Variants in NEO1 observed in about 807,000 individuals in gnomAD.
The protein encoded by NEO1 is neogenin.
In NEO1, 63 loss-of-function variants were observed where a neutral mutation model predicts 159.7. That is an observed-to-expected ratio of 0.39 (90% CI 0.32 to 0.49). The LOEUF is 0.49. Among genes scored for constraint, NEO1 ranks in the 20% least tolerant of loss-of-function variants. The pLI is 0.85. For missense variants in NEO1, 1,615 were observed against 1,831.0 expected (o/e 0.88, Z 2.15); for synonymous variants, 633 against 662.0 (o/e 0.96, Z 0.67).
chr15:73,067,901 C>G (rs947071150), intron 1 of NEO1, among the ~76,000 whole-genome samples: 2 of 152,088 alleles, frequency 1.3e-5, no homozygotes, highest in Admixed American at 6.5e-5. Flanking sequence ...CAGGTGTGAG[C>G]CACCACACTG....
intron 14 of NEO1, 31 bp from the exon 15 acceptor site, chr15:73,260,240 C>T: frequency 1.3e-6 from 2 of 1,592,628 alleles, no homozygotes. Context: ...GACAGTATAT[C>T]TCATCTTGCT....
At chr15:73,226,045 TCAAA>T (rs1219491918) in intron 7 of NEO1, among the ~76,000 whole-genome samples, 2 of 152,234 alleles carry the variant, frequency 1.3e-5, no homozygotes, top group East Asian at 1.9e-4. Flanking sequence ...AACTTCTCCC[TCAAA>T]CAACCTTCAG....
chr15:73,187,099 C>G (rs995818724), intron 7 of NEO1, among the ~76,000 whole-genome samples: 1 of 152,162 alleles, frequency 6.6e-6, no homozygotes, highest in Non-Finnish European at 1.5e-5. Context: ...CACAACAATA[C>G]TGTGTGTCGA....
intron 5 of NEO1, among the ~76,000 whole-genome samples, chr15:73,142,175 G>T (rs1209505983): frequency 2.0e-5 from 3 of 152,006 alleles, no homozygotes; most frequent in African/African-American, 7.3e-5. Flanking sequence ...TGGGGAGAGG[G>T]GCAACAATTT....
chr15:73,145,088 A>G (rs774420191), intron 5 of NEO1, among the ~76,000 whole-genome samples: 14 of 152,198 alleles, frequency 9.2e-5, no homozygotes, highest in East Asian at 1.9e-4. Flanking sequence ...AATGATTGCA[A>G]TGATATAAAT....
At chr15:73,193,657 T>C (rs1301990620) in intron 7 of NEO1, among the ~76,000 whole-genome samples, 1 of 149,636 alleles carries the variant, frequency 6.7e-6, no homozygotes, top group Non-Finnish European at 1.5e-5. Context: ...TCCTTTCACT[T>C]TTAGTAGTAT....
At chr15:73,086,184 A>ATCCTTTT (rs2069348272) in intron 1 of NEO1, among the ~76,000 whole-genome samples, 1 of 152,208 alleles carries the variant, frequency 6.6e-6, no homozygotes, top group Admixed American at 6.5e-5. Context: ...TGAAAAGACT[A>ATCCTTTT]TCCTTTTTCC....
intron 1 of NEO1, among the ~76,000 whole-genome samples, chr15:73,088,445 A>G (rs1756039307): frequency 6.6e-6 from 1 of 152,100 alleles, no homozygotes; most frequent in Non-Finnish European, 1.5e-5. Context: ...GACCTGAAAT[A>G]GCTGATATTT....
chr15:73,135,066 C>T (rs1423395307), intron 4 of NEO1, among the ~76,000 whole-genome samples: 1 of 151,990 alleles, frequency 6.6e-6, no homozygotes, highest in African/African-American at 2.4e-5. Flanking sequence ...GGTACTTGTC[C>T]CTAGAATTAA....
intron 1 of NEO1, among the ~76,000 whole-genome samples, chr15:73,077,038 T>A (rs7168651): frequency 0.14 from 20,722 of 152,124 alleles, 2,411 homozygotes; most frequent in African/African-American, 0.31. Context: ...GCAATTTTTT[T>A]AAATTAATTA....
chr15:73,180,269 A>G (rs901464414), intron 7 of NEO1, among the ~76,000 whole-genome samples: 2 of 152,200 alleles, frequency 1.3e-5, no homozygotes, highest in Admixed American at 1.3e-4. Flanking sequence ...CTTTTCACTA[A>G]CATGGCATAT....
Position 73,236,489 on chromosome 15 carries a change from C to T in NEO1, c.1434C>T (p.Thr478=), listed in dbSNP as rs1466830855. The change falls in exon 8 of 29, where the codon ACC becomes ACT. Residue 478 remains threonine, a synonymous_variant. Coordinates refer to ENST00000261908, the MANE Select transcript of NEO1 (RefSeq NM_002499.4). ...GDNLTYSVFY[T]KEGIARERVE... ...ACCTTACCTACTCTGTGTTCTACAC[C>T]AAGGAAGGGATTGCTAGGTAAGTGC... 2 of 1,613,990 alleles carry T rather than the reference C, an allele frequency of 1.2e-6. No individual in the cohort carries two copies. The highest frequency in any genetic ancestry group is 1.7e-6 in the Non-Finnish European group (2 of 1,179,968).
At chr15:73,269,579 T>G (rs1320104261) in intron 16 of NEO1, among the ~76,000 whole-genome samples, 1 of 152,140 alleles carries the variant, frequency 6.6e-6, no homozygotes, top group Non-Finnish European at 1.5e-5. Context: ...AGGCTGGTCT[T>G]GAACTCCTGA....
intron 5 of NEO1, among the ~76,000 whole-genome samples, chr15:73,141,173 T>A (rs908532873): frequency 1.3e-5 from 2 of 152,224 alleles, no homozygotes; most frequent in African/African-American, 4.8e-5. Context: ...AAAGCATTTA[T>A]TTTTCAGATA....
chr15:73,284,840 G>A (rs1487552213), intron 23 of NEO1, among the ~76,000 whole-genome samples: 4 of 151,990 alleles, frequency 2.6e-5, no homozygotes, highest in East Asian at 1.9e-4. Context: ...CGCCCGCCTC[G>A]GCTTCCCAAA....
chr15:73,228,389 G>T (rs754488621), intron 7 of NEO1, among the ~76,000 whole-genome samples: 2 of 149,288 alleles, frequency 1.3e-5, no homozygotes, highest in Non-Finnish European at 3.0e-5. Flanking sequence ...ACTATTCAAA[G>T]CTATTGCCTT....
chr15:73,075,399 A>G (rs946420102), intron 1 of NEO1, among the ~76,000 whole-genome samples: 2 of 152,176 alleles, frequency 1.3e-5, no homozygotes, highest in African/African-American at 2.4e-5. Flanking sequence ...GAGACAACAT[A>G]TTAAGAATCA....
At chr15:73,077,693 G>A (rs1212269586) in intron 1 of NEO1, among the ~76,000 whole-genome samples, 4 of 152,192 alleles carry the variant, frequency 2.6e-5, no homozygotes, top group African/African-American at 9.7e-5. Context: ...CTATGTATGA[G>A]GCACTGTGCT....
intron 16 of NEO1, among the ~76,000 whole-genome samples, chr15:73,267,901 A>C (rs933001007): frequency 6.6e-6 from 1 of 152,200 alleles, no homozygotes; most frequent in Non-Finnish European, 1.5e-5. Flanking sequence ...TTTATTTCCA[A>C]AAATTTTGAT....
Sources: gnomAD v4.1 joint callset for allele counts (sites outside exome capture counted in the v4.1 genomes callset) on GRCh38, gnomAD v4.1.1 for gene constraint, MANE v1.5 for transcripts, NCBI Gene and HGNC (gene_info 2026-07-23, HGNC 2026-07-21) for gene names.